Variants in C5AR1 observed in about 807,000 individuals in gnomAD.
C5AR1 encodes the protein complement C5a receptor 1, also known as C5a anaphylatoxin chemotactic receptor 1.
A neutral mutation model predicts 2.4 loss-of-function variants in C5AR1; 4 were observed. The ratio of observed to expected loss-of-function variants is 1.65; its 90% CI spans 0.81 to 3.77. C5AR1 has a LOEUF of 3.77. C5AR1 is among the 30% of genes most tolerant of loss of function. C5AR1 has a pLI of 0.01. For missense variants in C5AR1, 418 were observed against 462.5 expected, an observed-to-expected ratio of 0.90 and a Z score of 0.88; for synonymous variants, 209 against 210.4, an observed-to-expected ratio of 0.99 and a Z score of 0.06.
At chr19:47,315,687 A>G (rs1425598773) in intron 1 of C5AR1, among the ~76,000 whole-genome samples, 1 of 152,158 alleles carries the variant, frequency 6.6e-6, no homozygotes, top group Admixed American at 6.6e-5. Context: ...CTTTAGTGAC[A>G]TGAACATGGC....
intron 1 of C5AR1, among the ~76,000 whole-genome samples, chr19:47,315,049 G>C (rs2059281862): frequency 6.6e-6 from 1 of 151,864 alleles, no homozygotes; most frequent in African/African-American, 2.4e-5. Context: ...CTTTTTGTCT[G>C]TTTTTTTCCT....
In C5AR1 at chr19:47,312,287, TGTTG is replaced by T. The variant is rs558307195; in HGVS notation, c.3+2391_3+2394del. On this transcript the variant is annotated intron_variant, in intron 1 of 1. Coordinates refer to ENST00000355085, the MANE Select transcript of C5AR1 (RefSeq NM_001736.4). Reference sequence around the variant, plus strand: ...TTTTAGTAGAGACGGGGTTTCACCGTGTTGGCCAGGCTGGTCTTGAACTCCTGGC... The same window carrying T: ...TTTTAGTAGAGACGGGGTTTCACCGTGCCAGGCTGGTCTTGAACTCCTGGC... 2.3e-4 allele frequency among the ~76,000 whole-genome samples: 35 copies of T among 152,264 alleles called. 1 individual carries two copies. The South Asian group carries it at 7.0e-3, about 31-fold the overall frequency.
At position 47,320,516 on chromosome 19, in the gene C5AR1, G is replaced by A. The variant is rs1379375404; in HGVS notation, c.739G>A (p.Val247Met). The A allele has an allele frequency of 1.9e-6, 3 of 1,613,940 alleles. No homozygotes were observed. The highest frequency in any genetic ancestry group is 2.2e-5 in the East Asian group (1 of 44,850). Residue 247 changes from valine (V) to methionine (M), a missense_variant, in exon 2 of 2, where the codon GTG becomes ATG. Val to Met is a conservative substitution (Grantham distance 21). Transcript: ENST00000355085. The surrounding 1 kb of genome is among the most constrained non-coding windows in gnomAD (Gnocchi z 4.9). ...STKTLKVVVA[V>M]VASFFIFWLP... The stretch of plus-strand genomic sequence containing the variant: ...CAAGACACTCAAGGTGGTGGTGGCA[G>A]TGGTGGCCAGTTTCTTTATCTTCTG...
At chr19:47,309,960 C>A in intron 1 of C5AR1, 62 bp downstream of exon 1, 1 of 1,563,462 alleles carries the variant, frequency 6.4e-7, no homozygotes, top group Non-Finnish European at 8.8e-7. Context: ...ATCTTTGCTC[C>A]AGTGGGTCCT....
rs200003809 is a variant in C5AR1, at chr19:47,319,962, C to T, written c.185C>T (p.Thr62Met). Reference protein sequence around the residue: ...VLGNALVVWVTAFEAKRTINA... With the variant: ...VLGNALVVWVMAFEAKRTINA... Reference sequence around the variant, plus strand: ...GGCAATGCCCTGGTGGTCTGGGTGACGGCATTCGAGGCCAAGCGGACCATC... The same window carrying T: ...GGCAATGCCCTGGTGGTCTGGGTGATGGCATTCGAGGCCAAGCGGACCATC... Residue 62 changes from threonine to methionine, a missense_variant, in exon 2 of 2, where the codon ACG becomes ATG. Transcript: ENST00000355085. 2.7e-5 allele frequency: 44 copies of T among 1,614,234 alleles called. 1 individual carries two copies. The highest frequency in any genetic ancestry group is 7.7e-5 in the South Asian group (7 of 91,090).
At chr19:47,308,360 G>C (rs1388905854), upstream of C5AR1, among the ~76,000 whole-genome samples, 1 of 151,886 alleles carries the variant, frequency 6.6e-6, no homozygotes, top group Non-Finnish European at 1.5e-5. Flanking sequence ...TCTCGTTACA[G>C]GAAAACAAGC....
intron 1 of C5AR1, among the ~76,000 whole-genome samples, chr19:47,310,337 C>T (rs1599728353): frequency 6.6e-6 from 1 of 152,128 alleles, no homozygotes; most frequent in South Asian, 2.1e-4. Context: ...ATAGTGAGAC[C>T]CTGTCTGTAT....
intron 1 of C5AR1, among the ~76,000 whole-genome samples, chr19:47,314,229 A>G (rs1312336404): frequency 6.6e-6 from 1 of 152,122 alleles, no homozygotes; most frequent in African/African-American, 2.4e-5. Context: ...TCACATAGAT[A>G]TGCACTGTGA....
intron 1 of C5AR1, among the ~76,000 whole-genome samples, chr19:47,311,237 C>T (rs1209497415): frequency 2.6e-5 from 4 of 151,848 alleles, no homozygotes; most frequent in African/African-American, 4.8e-5. Context: ...CTCGGCCAGG[C>T]GCGGTGGCTC....
rs750171124 is a variant in C5AR1 at position 47,320,093 on chromosome 19, G to A, written c.316G>A (p.Gly106Arg). Residue 106 changes from glycine to arginine, a missense_variant, in exon 2 of 2, where the codon GGG becomes AGG. Physicochemically the swap from Gly to Arg is moderately radical, Grantham distance 125. Transcript: ENST00000355085. This position sits in a 1 kb window ranked among gnomAD's most constrained non-coding sequence, Gnocchi z 4.9. ...IVQHHHWPFG[G>R]AACSILPSLI... is the part of the protein sequence containing the mutation. ...ACAGCATCACCACTGGCCCTTTGGC[G>A]GGGCCGCCTGCAGCATCCTGCCCTC... The A allele has an allele frequency of 1.9e-5, 30 of 1,613,998 alleles. No homozygotes were observed. In the Admixed American group the frequency reaches 2.2e-4, roughly 12 times the overall value.
upstream of C5AR1, chr19:47,309,772 A>T: frequency 9.4e-7 from 1 of 1,060,262 alleles, no homozygotes. Flanking sequence ...CAGTGTGCAG[A>T]CCAATGAGAG....
Position 47,321,994 on chromosome 19 carries a change from T to G in C5AR1, c.*1164T>G, listed in dbSNP as rs1158510898. Reference sequence around the variant, plus strand: ...AATGTTATTCAATGGAATCATATAGTATGTAACCTGTTTTGAGCTTAAAAA... The same window carrying G: ...AATGTTATTCAATGGAATCATATAGGATGTAACCTGTTTTGAGCTTAAAAA... On this transcript the variant is annotated 3_prime_UTR_variant, in exon 2 of 2. Transcript: ENST00000355085. The G allele has an allele frequency of 6.6e-6, 1 of 152,098 alleles. No homozygotes were observed. The highest frequency in any genetic ancestry group is 1.5e-5 in the Non-Finnish European group (1 of 68,036). The allele number at this position is 152,098 out of a possible 1,614,324, so 9.4% of individuals were successfully genotyped here.
rs938084372 is a variant in C5AR1, at chr19:47,313,289, T to G, written c.3+3391T>G. ...CCGCGCCTGGCGTCCAGCCACATTC[T>G]TTAACTCAGCATCTGCAGACCTTCC... On this transcript the variant is annotated intron_variant, in intron 1 of 1. Transcript: ENST00000355085. 7.9e-5 allele frequency among the ~76,000 whole-genome samples: 12 copies of G among 151,910 alleles called. 1 individual carries two copies. The highest frequency in any genetic ancestry group is 7.9e-4 in the Admixed American group (12 of 15,226).
intron 1 of C5AR1, among the ~76,000 whole-genome samples, chr19:47,315,005 C>T (rs2059281692): frequency 6.6e-6 from 1 of 151,986 alleles, no homozygotes; most frequent in African/African-American, 2.4e-5. Flanking sequence ...CACCCTAGAT[C>T]TTGGAGGTCT....
At chr19:47,319,643 A>G (rs1442923658) in intron 1 of C5AR1, 138 bp from the exon 2 acceptor site, 4 of 638,468 alleles carry the variant, frequency 6.3e-6, no homozygotes, top group Non-Finnish European at 1.1e-5. Flanking sequence ...ACCCTAGTTG[A>G]CTCTCAGCCC....
At chr19:47,312,321 A>G (rs1332370016) in intron 1 of C5AR1, among the ~76,000 whole-genome samples, 1 of 152,014 alleles carries the variant, frequency 6.6e-6, no homozygotes, top group Admixed American at 6.6e-5. Context: ...CCTGGCCCCA[A>G]GCAATCTTCC....
chr19:47,312,007 G>T (rs868502284), intron 1 of C5AR1, among the ~76,000 whole-genome samples: 1 of 152,172 alleles, frequency 6.6e-6, no homozygotes, highest in Admixed American at 6.6e-5. Flanking sequence ...TGTGATGCGG[G>T]GAACCCCAAA....
chr19:47,319,573 T>A (rs2059301294), intron 1 of C5AR1, among the ~76,000 whole-genome samples: 1 of 152,114 alleles, frequency 6.6e-6, no homozygotes, highest in East Asian at 1.9e-4. Flanking sequence ...CCTCCCAAAG[T>A]GCTGGGATGA....
chr19:47,317,342 T>TA (rs1202317645), intron 1 of C5AR1, among the ~76,000 whole-genome samples: 1 of 150,980 alleles, frequency 6.6e-6, no homozygotes, highest in Non-Finnish European at 1.5e-5. Flanking sequence ...CCCTCCTCTT[T>TA]AAAAAAACAT....
Sources: gnomAD v4.1 joint callset for allele counts (sites outside exome capture counted in the v4.1 genomes callset) on GRCh38, gnomAD v4.1.1 for gene constraint, Gnocchi (gnomAD v3.1) non-coding constraint, MANE v1.5 for transcripts, NCBI Gene and HGNC (gene_info 2026-07-23, HGNC 2026-07-21) for gene names.